NTM: variants seen among roughly 807,000 people sequenced by gnomAD.
The protein encoded by NTM is IgLON family member 2.
Under a neutral mutation model 42.1 loss-of-function variants are expected in NTM, and 13 were observed. That is an observed-to-expected ratio of 0.31 (90% CI 0.20 to 0.49). NTM has a LOEUF of 0.49. Among genes scored for constraint, NTM ranks in the 20% least tolerant of loss-of-function variants. NTM has a pLI of 0.99. For synonymous variants in NTM, 187 were observed against 179.2 expected (o/e 1.04, Z -0.35); for missense variants, 373 against 452.8 (o/e 0.82, Z 1.60).
At chr11:131,922,509 C>T (rs1003600001) in intron 2 of NTM, among the ~76,000 whole-genome samples, 1 of 152,204 alleles carries the variant, frequency 6.6e-6, no homozygotes, top group African/African-American at 2.4e-5. Flanking sequence ...GAACTGCAAA[C>T]CTAGTACATC....
intron 1 of NTM, among the ~76,000 whole-genome samples, chr11:131,880,911 T>C (rs2049365370): frequency 6.6e-6 from 1 of 152,168 alleles, no homozygotes. Flanking sequence ...GCTCCTGAAC[T>C]ACATTTGGCA....
At chr11:131,379,433 G>A (rs980133777) in intron 1 of NTM, among the ~76,000 whole-genome samples, 8 of 152,102 alleles carry the variant, frequency 5.3e-5, no homozygotes, top group Non-Finnish European at 8.8e-5. Flanking sequence ...ATAACGTAGC[G>A]GCTCCTAACA....
At position 131,416,676 on chromosome 11, in the gene NTM, G is replaced by A. The variant is rs543492251; in HGVS notation, c.82+45788G>A. ...AACATCTTGGGTGAGGCAAAGAAAG[G>A]ACCACTGGTCTTACCATAAGATTTT... is the stretch of plus-strand genomic sequence containing the variant. On this transcript the variant is annotated intron_variant, in intron 1 of 8. Transcript: ENST00000683400. Among the ~76,000 whole-genome samples, 31 of 152,312 alleles carry A rather than the reference G, an allele frequency of 2.0e-4. No individual in the cohort carries two copies. In the South Asian group the frequency reaches 5.8e-3, roughly 29 times the overall value.
At chr11:131,845,852 C>T (rs1324675459) in intron 1 of NTM, among the ~76,000 whole-genome samples, 2 of 152,118 alleles carry the variant, frequency 1.3e-5, no homozygotes, top group African/African-American at 4.8e-5. Flanking sequence ...ATAAGAATGA[C>T]CTCTAATTTG....
intron 3 of NTM, among the ~76,000 whole-genome samples, chr11:132,170,124 G>A (rs1274468976): frequency 6.6e-6 from 1 of 152,182 alleles, no homozygotes; most frequent in Non-Finnish European, 1.5e-5. Flanking sequence ...ATCAGGTGCT[G>A]TTGAAAATGA....
intron 4 of NTM, among the ~76,000 whole-genome samples, chr11:132,266,002 G>A (rs1264771643): frequency 6.6e-6 from 1 of 152,144 alleles, no homozygotes; most frequent in Admixed American, 6.5e-5. Flanking sequence ...TTAACACAGG[G>A]TGCTGTTCTA....
At chr11:132,208,561 C>T (rs1344328237) in intron 3 of NTM, among the ~76,000 whole-genome samples, 1 of 152,174 alleles carries the variant, frequency 6.6e-6, no homozygotes, top group African/African-American at 2.4e-5. Context: ...GTGCGATTGT[C>T]TCATTTAATA....
chr11:131,399,729 T>C (rs1007634452), intron 1 of NTM, among the ~76,000 whole-genome samples: 12 of 152,242 alleles, frequency 7.9e-5, no homozygotes, highest in Non-Finnish European at 1.3e-4. Context: ...TTAGCGCCCA[T>C]TTGGAAACCA....
At chr11:131,681,437 C>CTGTG (rs1220243268) in intron 1 of NTM, among the ~76,000 whole-genome samples, 5 of 3,160 alleles carry the variant, frequency 1.6e-3, no homozygotes, top group East Asian at 0.015. Flanking sequence ...GTTTCTGTGT[C>CTGTG]TGTATGTCTG....
rs542937172 is a variant in NTM, at chr11:132,257,930, C to T, written c.526+45783C>T. On this transcript the variant is annotated intron_variant, in intron 4 of 8. Transcript: ENST00000683400. Reference sequence around the variant, plus strand: ...TCCTAATAGATTGCTCACCTGCCGTCCTAGTGGAGCTGGCATTTACTGTGG... The same window carrying T: ...TCCTAATAGATTGCTCACCTGCCGTTCTAGTGGAGCTGGCATTTACTGTGG... Among the ~76,000 whole-genome samples the T allele has an allele frequency of 3.0e-4, 45 of 152,318 alleles. 1 individual carries two copies. In the South Asian group the frequency reaches 9.3e-3, roughly 32 times the overall value.
At chr11:131,435,795 T>A (rs1346739089) in intron 1 of NTM, among the ~76,000 whole-genome samples, 3 of 152,222 alleles carry the variant, frequency 2.0e-5, no homozygotes, top group African/African-American at 7.2e-5. Context: ...TCTTGCCTGA[T>A]TGCCCTGGCC....
chr11:132,018,973 T>C (rs925261550), intron 2 of NTM, among the ~76,000 whole-genome samples: 47 of 151,988 alleles, frequency 3.1e-4, no homozygotes, highest in Non-Finnish European at 2.7e-4. Context: ...TCACATTTCA[T>C]ATAAATTATC....
At chr11:131,944,409 T>G (rs147872053) in intron 2 of NTM, among the ~76,000 whole-genome samples, 4 of 152,320 alleles carry the variant, frequency 2.6e-5, no homozygotes, top group East Asian at 3.9e-4. Context: ...AGGTCACTGC[T>G]TCATGCACAA....
At chr11:131,412,735 A>G (rs1433378864) in intron 1 of NTM, among the ~76,000 whole-genome samples, 4 of 152,198 alleles carry the variant, frequency 2.6e-5, no homozygotes, top group Non-Finnish European at 5.9e-5. Context: ...TAAAATCTAC[A>G]AAGTGGTTTT....
At chr11:131,427,584 G>T (rs1040225572) in intron 1 of NTM, among the ~76,000 whole-genome samples, 1 of 152,156 alleles carries the variant, frequency 6.6e-6, no homozygotes, top group South Asian at 2.1e-4. Context: ...CTCCCTTAAT[G>T]CCTCCTGTCC....
At chr11:132,100,825 A>C (rs574076152) in intron 2 of NTM, among the ~76,000 whole-genome samples, 2 of 152,328 alleles carry the variant, frequency 1.3e-5, no homozygotes, top group East Asian at 3.9e-4. Flanking sequence ...TTTAATGACG[A>C]GTATCACTGT....
intron 4 of NTM, among the ~76,000 whole-genome samples, chr11:132,248,054 G>C (rs1259243966): frequency 6.6e-6 from 1 of 152,132 alleles, no homozygotes; most frequent in African/African-American, 2.4e-5. Flanking sequence ...GGAGAAAATG[G>C]AGAAATTAGG....
At chr11:131,472,646 C>T (rs552862028) in intron 1 of NTM, among the ~76,000 whole-genome samples, 1 of 152,256 alleles carries the variant, frequency 6.6e-6, no homozygotes, top group Admixed American at 6.5e-5. Context: ...CTACTTTCTT[C>T]CTGGGTAAAG....
At chr11:131,842,732 CA>C (rs5795745) in intron 1 of NTM, among the ~76,000 whole-genome samples, 20,617 of 152,162 alleles carry the variant, frequency 0.14, 1,667 homozygotes, top group African/African-American at 0.22. Flanking sequence ...AATATGAGGG[CA>C]AGCAAAGTGG....
Sources: gnomAD v4.1 joint callset for allele counts (sites outside exome capture counted in the v4.1 genomes callset) on GRCh38, gnomAD v4.1.1 for gene constraint, MANE v1.5 for transcripts, NCBI Gene and HGNC (gene_info 2026-07-23, HGNC 2026-07-21) for gene names.